SLC22A16: variants seen among roughly 807,000 people sequenced by gnomAD.
SLC22A16 encodes the protein WUGSC:RG331P03.1.
Under a neutral mutation model 52.9 loss-of-function variants are expected in SLC22A16, and 53 were observed. The observed-to-expected ratio is 1.00, with a 90% CI of 0.80 to 1.26. SLC22A16 has a LOEUF of 1.26. Ranked by LOEUF, SLC22A16 falls within the 50% of genes most tolerant of loss-of-function variation. SLC22A16 has a pLI of 0.00. For missense variants in SLC22A16, 726 were observed against 704.0 expected, an observed-to-expected ratio of 1.03 and a Z score of -0.35; for synonymous variants, 291 against 268.8, an observed-to-expected ratio of 1.08 and a Z score of -0.81.
At chr6:110,455,013 A>AATAT in intron 2 of SLC22A16, among the ~76,000 whole-genome samples, 1 of 119,716 alleles carries the variant, frequency 8.4e-6, no homozygotes, top group East Asian at 2.2e-4. Context: ...TAATTAGTGA[A>AATAT]ATATATATAT....
chr6:110,439,794 G>C (rs576056913), intron 4 of SLC22A16, among the ~76,000 whole-genome samples: 5 of 152,284 alleles, frequency 3.3e-5, no homozygotes, highest in African/African-American at 9.6e-5. Flanking sequence ...TTTACACTAG[G>C]AGTCACATCT....
intron 5 of SLC22A16, among the ~76,000 whole-genome samples, chr6:110,436,515 A>C (rs1280045860): frequency 6.6e-6 from 1 of 152,194 alleles, no homozygotes; most frequent in African/African-American, 2.4e-5. Context: ...GGTCCCAGCT[A>C]CTGGAGAAGC....
At chr6:110,460,676 C>T (rs1263478252) in intron 1 of SLC22A16, among the ~76,000 whole-genome samples, 1 of 152,214 alleles carries the variant, frequency 6.6e-6, no homozygotes, top group African/African-American at 2.4e-5. Flanking sequence ...ATGGTGGACA[C>T]CATACTGGTT....
chr6:110,455,037 TA>T (rs1413392052), intron 2 of SLC22A16, among the ~76,000 whole-genome samples: 1 of 128,864 alleles, frequency 7.8e-6, no homozygotes, highest in Non-Finnish European at 1.6e-5. Context: ...TTCACTAATA[TA>T]TTTTTTATTT....
intron 7 of SLC22A16, among the ~76,000 whole-genome samples, chr6:110,425,548 G>T (rs1774227218): frequency 6.6e-6 from 1 of 152,216 alleles, no homozygotes; most frequent in Non-Finnish European, 1.5e-5. Context: ...TTCAGTAAAT[G>T]ATAGGGAATG....
chr6:110,425,695 A>G (rs1774233387), intron 7 of SLC22A16, among the ~76,000 whole-genome samples: 1 of 152,204 alleles, frequency 6.6e-6, no homozygotes, highest in Non-Finnish European at 1.5e-5. Flanking sequence ...TGATTTCTTT[A>G]TTTTCCAGAT....
chr6:110,469,168 T>C (rs1242043361), intron 1 of SLC22A16, among the ~76,000 whole-genome samples: 1 of 152,176 alleles, frequency 6.6e-6, no homozygotes, highest in African/African-American at 2.4e-5. Context: ...TTTACTCTAC[T>C]CTATTCACTC....
chr6:110,451,705 G>A (rs766350463), intron 2 of SLC22A16, among the ~76,000 whole-genome samples: 18 of 152,068 alleles, frequency 1.2e-4, no homozygotes, highest in Non-Finnish European at 2.5e-4. Flanking sequence ...TCTCTCTTGT[G>A]TGCACACATT....
In SLC22A16 at chr6:110,434,289, C is replaced by T. The variant is rs765508861; in HGVS notation, c.1421+1563G>A. Among the ~76,000 whole-genome samples the T allele has an allele frequency of 1.9e-4, 29 of 151,996 alleles. 1 individual carries two copies. The highest frequency in any genetic ancestry group is 7.4e-5 in the Non-Finnish European group (5 of 67,990). On this transcript the variant is annotated intron_variant, in intron 6 of 7. Transcript: ENST00000368919. ...GAGAATCAGAGAAAAGATCCCTTCC[C>T]TTTATAGCTGGGGTCCCAGCTGTGT...
At chr6:110,471,424 C>A (rs1294356237) in intron 1 of SLC22A16, among the ~76,000 whole-genome samples, 1 of 152,214 alleles carries the variant, frequency 6.6e-6, no homozygotes, top group East Asian at 1.9e-4. Context: ...TATAACCCTA[C>A]CCTAAAAGAC....
At position 110,456,723 on chromosome 6, in the gene SLC22A16, G is replaced by T; in HGVS notation, c.348C>A (p.Tyr116Ter). ...AAGGAAACTCTTTCTTACTGCCAGT[G>T]TATTCATAGCCCAAACTCGATGTGT... ...RENTSSLGYEYTGSKKEFPCV... is the reference protein window; with the variant it reads ...RENTSSLGYE Residue 116 changes from tyrosine to a stop codon, truncating the protein, a stop_gained, in exon 2 of 8, where the codon TAC becomes TAA. Coordinates refer to ENST00000368919, the MANE Select transcript of SLC22A16 (RefSeq NM_033125.4). LOFTEE classifies it high-confidence loss of function. 6.2e-7 allele frequency: 1 copy of T among 1,614,116 alleles called. No individual in the cohort carries two copies. Among genetic ancestry groups the T allele is most frequent in the Non-Finnish European group, 8.5e-7 (1 of 1,179,998 alleles).
rs1299294231 is a variant in SLC22A16 at position 110,456,704 on chromosome 6, ACT to A, written c.365_366del (p.Glu122ValfsTer10). 2 of 1,613,656 alleles carry A rather than the reference ACT, an allele frequency of 1.2e-6. No individual in the cohort carries two copies. The highest frequency in any genetic ancestry group is 2.7e-5 in the African/African-American group (2 of 74,732). The stretch of plus-strand genomic sequence containing the variant: ...TATATGTAGCCATCCACACAAGGAA[ACT>A]CTTTCTTACTGCCAGTGTATTCATA... ...LGYEYTGSKK[E>X]FPCVDGYIYD... On this transcript the variant is annotated frameshift_variant, in exon 2 of 8. Transcript: ENST00000368919. LOFTEE classifies it high-confidence loss of function.
chr6:110,456,648 C>T lies in SLC22A16; in HGVS notation c.423G>A (p.Val141=), dbSNP rs772532732. 2 of 1,614,182 alleles carry T rather than the reference C, an allele frequency of 1.2e-6. No individual in the cohort carries two copies. The highest frequency in any genetic ancestry group is 1.3e-5 in the African/African-American group (1 of 75,042). ...GGTCACAGACCAGGTTCCACTGGGT[C>T]ACCGCAGTGCTTTTCCATGTGTTCT... ...YDQNTWKSTA[V]TQWNLVCDRK... The change falls in exon 2 of 8, where the codon GTG becomes GTA. Residue 141 remains valine (V), a synonymous_variant. Transcript: ENST00000368919.
At chr6:110,450,009 T>C (rs1407968470) in intron 2 of SLC22A16, among the ~76,000 whole-genome samples, 5 of 152,218 alleles carry the variant, frequency 3.3e-5, no homozygotes, top group Admixed American at 6.5e-5. Context: ...TTCCTTTCCC[T>C]TGGGGGCCTT....
In SLC22A16 at chr6:110,442,427, C is replaced by T. The variant is rs558128099; in HGVS notation, c.1000G>A (p.Val334Ile). Residue 334 changes from valine to isoleucine, a missense_variant, in exon 4 of 8, where the codon GTT (valine) becomes ATT (isoleucine). Transcript: ENST00000368919. ...ELLSLDLQGP[V>I]SNSPTEVQKH... ...TGAACTTCAGTGGGGCTATTACTAACAGGACCTTGTAGGTCCAGTGATAAA... is the reference window on the plus strand; with the variant it reads ...TGAACTTCAGTGGGGCTATTACTAATAGGACCTTGTAGGTCCAGTGATAAA... The T allele has an allele frequency of 5.6e-6, 9 of 1,614,234 alleles. No individual in the cohort carries two copies. The African/African-American group carries it at 1.1e-4, about 19-fold the overall frequency.
At chr6:110,429,322 G>C (rs923319116) in intron 7 of SLC22A16, among the ~76,000 whole-genome samples, 1 of 152,078 alleles carries the variant, frequency 6.6e-6, no homozygotes, top group African/African-American at 2.4e-5. Context: ...ACATCCAAGC[G>C]CTTTACTGAG....
chr6:110,467,454 A>C (rs895355309), intron 1 of SLC22A16, among the ~76,000 whole-genome samples: 1 of 152,214 alleles, frequency 6.6e-6, no homozygotes, highest in Admixed American at 6.5e-5. Context: ...CAGAAGTCCT[A>C]TAAAAGGTTG....
chr6:110,437,617 C>T (rs1490425003), intron 5 of SLC22A16, among the ~76,000 whole-genome samples: 1 of 152,160 alleles, frequency 6.6e-6, no homozygotes, highest in Non-Finnish European at 1.5e-5. Context: ...ACTTAAAATG[C>T]TTTGCTCTAA....
chr6:110,456,944 A>G lies in SLC22A16; in HGVS notation c.127T>C (p.Phe43Leu). Residue 43 changes from phenylalanine to leucine, a missense_variant, in exon 2 of 8, where the codon TTC becomes CTC. Coordinates refer to ENST00000368919, the MANE Select transcript of SLC22A16 (RefSeq NM_033125.4). ...SCGIHYLASV[F>L]MGVTPHHVCR... Reference sequence around the variant, plus strand: ...ACATGATGAGGGGTGACTCCCATGAACACAGAAGCCAAGTAGTGAATACCA... The same window carrying G: ...ACATGATGAGGGGTGACTCCCATGAGCACAGAAGCCAAGTAGTGAATACCA... 1 of 1,608,224 alleles carries G rather than the reference A, an allele frequency of 6.2e-7. No individual in the cohort carries two copies. Among genetic ancestry groups the G allele is most frequent in the Non-Finnish European group, 8.5e-7 (1 of 1,177,306 alleles).
Sources: allele counts gnomAD v4.1 joint callset (sites outside exome capture counted in the v4.1 genomes callset), GRCh38; gene constraint gnomAD v4.1.1; transcripts MANE v1.5; gene names NCBI Gene and HGNC (gene_info 2026-07-23, HGNC 2026-07-21).